Variants in LYPLAL1 observed in about 807,000 individuals in gnomAD.
LYPLAL1 encodes lysophospholipase-like protein 1.
Under a neutral mutation model 19.7 loss-of-function variants are expected in LYPLAL1, and 23 were observed. The observed-to-expected ratio is 1.17, with a 90% CI of 0.84 to 1.65. The LOEUF is 1.65. Among genes scored for constraint, LYPLAL1 ranks in the 40% most tolerant of loss-of-function variants. The pLI, the probability that LYPLAL1 is intolerant of heterozygous loss-of-function variation, is 0.00. For synonymous variants in LYPLAL1, 119 were observed against 96.3 expected (o/e 1.24, Z -1.38); for missense variants, 355 against 279.4 (o/e 1.27, Z -1.93).
the LYPLAL1 span, among the ~76,000 whole-genome samples, chr1:219,398,835 A>G: frequency 2.0e-5 from 3 of 151,750 alleles, no homozygotes; most frequent in African/African-American, 7.3e-5. Flanking sequence ...TGAGTTCCCA[A>G]CTCCTGGACT....
At chr1:219,341,950 G>T in the LYPLAL1 span, among the ~76,000 whole-genome samples, 1 of 152,052 alleles carries the variant, frequency 6.6e-6, no homozygotes, top group South Asian at 2.1e-4. Context: ...AGGTCAGGCT[G>T]GGGAAGAATA....
chr1:219,202,934 C>T (rs1658238929), intron 3 of LYPLAL1, among the ~76,000 whole-genome samples: 1 of 152,024 alleles, frequency 6.6e-6, no homozygotes, highest in Non-Finnish European at 1.5e-5. Flanking sequence ...TGATCTTCTG[C>T]TTCAGTCTCC....
At chr1:219,439,358 A>G in the LYPLAL1 span, among the ~76,000 whole-genome samples, 1 of 152,120 alleles carries the variant, frequency 6.6e-6, no homozygotes, top group South Asian at 2.1e-4. Context: ...TCCTCTTTTC[A>G]TAACCAGGGT....
chr1:219,187,142 G>T (rs1174263692), intron 2 of LYPLAL1, among the ~76,000 whole-genome samples: 1 of 151,262 alleles, frequency 6.6e-6, no homozygotes, highest in Non-Finnish European at 1.5e-5. Context: ...ATCAAACAAG[G>T]TTATAATTTT....
intron 3 of LYPLAL1, among the ~76,000 whole-genome samples, chr1:219,197,325 A>G (rs1368013681): frequency 6.6e-6 from 1 of 152,196 alleles, no homozygotes; most frequent in Non-Finnish European, 1.5e-5. Flanking sequence ...ATAAGACCTC[A>G]CATCTACAAC....
chr1:219,250,133 G>A, the LYPLAL1 span, among the ~76,000 whole-genome samples: 1 of 151,918 alleles, frequency 6.6e-6, no homozygotes, highest in Admixed American at 6.6e-5. Context: ...TTATTCTTCT[G>A]TGTTTAAAAG....
the LYPLAL1 span, among the ~76,000 whole-genome samples, chr1:219,243,203 T>C: frequency 6.6e-6 from 1 of 152,184 alleles, no homozygotes; most frequent in African/African-American, 2.4e-5. Flanking sequence ...AGAATGGTGA[T>C]CAATTTTGTT....
chr1:219,392,664 C>T, the LYPLAL1 span, among the ~76,000 whole-genome samples: 1 of 152,136 alleles, frequency 6.6e-6, no homozygotes, highest in African/African-American at 2.4e-5. Flanking sequence ...TTATTTTAAA[C>T]AGACTTCTTA....
At chr1:219,376,396 G>C in the LYPLAL1 span, among the ~76,000 whole-genome samples, 1 of 152,090 alleles carries the variant, frequency 6.6e-6, no homozygotes, top group South Asian at 2.1e-4. Flanking sequence ...GAAAATATTG[G>C]GAGGAAATTT....
downstream of LYPLAL1, among the ~76,000 whole-genome samples, chr1:219,216,684 G>T (rs1659301220): frequency 6.6e-6 from 1 of 151,906 alleles, no homozygotes; most frequent in African/African-American, 2.4e-5. Flanking sequence ...GAATTGCGGG[G>T]GCACCTCTGC....
At chr1:219,423,308 G>A in the LYPLAL1 span, among the ~76,000 whole-genome samples, 1 of 152,076 alleles carries the variant, frequency 6.6e-6, no homozygotes, top group African/African-American at 2.4e-5. Flanking sequence ...AGACATTTTG[G>A]TCTTCAGCCC....
the LYPLAL1 span, among the ~76,000 whole-genome samples, chr1:219,273,903 G>A: frequency 1.1e-4 from 16 of 152,258 alleles, no homozygotes; most frequent in East Asian, 2.9e-3. Flanking sequence ...TGGGACTACA[G>A]GTGTGCACCA....
the LYPLAL1 span, among the ~76,000 whole-genome samples, chr1:219,351,846 C>T: frequency 3.9e-5 from 6 of 152,118 alleles, no homozygotes; most frequent in Non-Finnish European, 5.9e-5. Context: ...GGGAAATTAT[C>T]TGGTAGTTGG....
chr1:219,274,039 C>T, the LYPLAL1 span, among the ~76,000 whole-genome samples: 11 of 152,294 alleles, frequency 7.2e-5, no homozygotes, highest in Admixed American at 2.6e-4. Context: ...GGATCACAGG[C>T]GTGAACCACC....
At chr1:219,288,572 G>T in the LYPLAL1 span, among the ~76,000 whole-genome samples, 1 of 152,148 alleles carries the variant, frequency 6.6e-6, no homozygotes, top group East Asian at 1.9e-4. Context: ...ATGCTATATT[G>T]ATGAATACAT....
At chr1:219,329,385 A>G in the LYPLAL1 span, among the ~76,000 whole-genome samples, 1 of 152,152 alleles carries the variant, frequency 6.6e-6, no homozygotes, top group Non-Finnish European at 1.5e-5. Flanking sequence ...TTCCATCCTG[A>G]CCTAATATTT....
chr1:219,387,195 T>C, the LYPLAL1 span, among the ~76,000 whole-genome samples: 1 of 152,222 alleles, frequency 6.6e-6, no homozygotes, highest in Admixed American at 6.5e-5. Context: ...ATTCAGCTGC[T>C]CCTGCCTGGC....
chr1:219,408,522 TCAAGG>T, the LYPLAL1 span, among the ~76,000 whole-genome samples: 1 of 152,026 alleles, frequency 6.6e-6, no homozygotes, highest in Non-Finnish European at 1.5e-5. Context: ...GTTTTCACAG[TCAAGG>T]AAAAGGTAAT....
At chr1:219,229,279 T>A in the LYPLAL1 span, among the ~76,000 whole-genome samples, 7 of 141,478 alleles carry the variant, frequency 4.9e-5, no homozygotes, top group African/African-American at 1.9e-4. Flanking sequence ...TGGACATAGG[T>A]GAGGACAAGC....
Sources: allele counts gnomAD v4.1 joint callset (sites outside exome capture counted in the v4.1 genomes callset), GRCh38; gene constraint gnomAD v4.1.1; transcripts MANE v1.5; gene names NCBI Gene and HGNC (gene_info 2026-07-23, HGNC 2026-07-21).